CCDC190: variants seen among roughly 807,000 people sequenced by gnomAD.
CCDC190 encodes coiled-coil domain-containing protein 190.
CCDC190 carries 10 observed loss-of-function variants against 13.1 expected under a neutral mutation model. The observed-to-expected ratio is 0.77, with a 90% CI of 0.47 to 1.30. CCDC190 has a LOEUF of 1.30. CCDC190 is among the 50% of genes most tolerant of loss of function. The pLI is 0.00. For synonymous variants in CCDC190, 136 were observed against 127.2 expected, an observed-to-expected ratio of 1.07 and a Z score of -0.47; for missense variants, 375 against 354.3, an observed-to-expected ratio of 1.06 and a Z score of -0.47.
In CCDC190 at chr1:162,861,015, T is replaced by G; in HGVS notation, c.-20A>C. ...AGGGCCAGTAGAACTTACCTCCAAA[T>G]CCAGAGTTTTCACCATGAGACTATG... On this transcript the variant is annotated 5_prime_UTR_variant, in exon 1 of 4. Transcript: ENST00000367912. 2.0e-6 allele frequency: 2 copies of G among 984,980 alleles called. No individual in the cohort carries two copies. The highest frequency in any genetic ancestry group is 2.4e-6 in the Non-Finnish European group (2 of 829,508). 61.0% of individuals were successfully genotyped at this position (984,980 alleles called of 1,614,324 possible).
At chr1:162,856,528 A>G (rs1340280137) in intron 2 of CCDC190, among the ~76,000 whole-genome samples, 1 of 152,200 alleles carries the variant, frequency 6.6e-6, no homozygotes, top group East Asian at 1.9e-4. Context: ...AGCCGTGACT[A>G]AGTGGACTTT....
rs1650092469 is a variant in CCDC190 at position 162,851,118 on chromosome 1, A to C, written c.*3647T>G. Among the ~76,000 whole-genome samples, 1 of 151,998 alleles carries C rather than the reference A, an allele frequency of 6.6e-6. No homozygotes were observed. The highest frequency in any genetic ancestry group is 1.5e-5 in the Non-Finnish European group (1 of 68,004). On this transcript the variant is annotated 3_prime_UTR_variant, in exon 4 of 4. Coordinates refer to ENST00000367912, the MANE Select transcript of CCDC190 (RefSeq NM_001394065.1). ...ATCCAGTTTAAAGTCTTTCTTCTCC[A>C]CCCGTGGAACTTCTGTTCTACTGCA...
chr1:162,863,562 C>T (rs975965102), upstream of CCDC190, among the ~76,000 whole-genome samples: 1 of 151,986 alleles, frequency 6.6e-6, no homozygotes, highest in African/African-American at 2.4e-5. Context: ...TGGAAACAAA[C>T]CAGGGAATCA....
chr1:162,859,736 A>C, intron 1 of CCDC190, 78 bp from the exon 2 acceptor site: 3 of 1,204,634 alleles, frequency 2.5e-6, no homozygotes. Flanking sequence ...ATCAGAGATC[A>C]GTGGTAGAAC....
upstream of CCDC190, among the ~76,000 whole-genome samples, chr1:162,863,774 A>G (rs1016785505): frequency 6.6e-6 from 1 of 152,196 alleles, no homozygotes; most frequent in African/African-American, 2.4e-5. Context: ...TAATCCCAGC[A>G]CTTTGGGAGG....
Position 162,854,577 on chromosome 1 carries a change from C to A in CCDC190, c.*188G>T, listed in dbSNP as rs1032058603. ...TTTTCAGAAGATTCATTCTTCCTCTCCTTTTTCATATATTAGCATTGTTCA... is the reference window on the plus strand; with the variant it reads ...TTTTCAGAAGATTCATTCTTCCTCTACTTTTTCATATATTAGCATTGTTCA... On this transcript the variant is annotated 3_prime_UTR_variant, in exon 4 of 4. Transcript: ENST00000367912. The A allele has an allele frequency of 1.1e-5, 15 of 1,368,036 alleles. No homozygotes were observed. Among genetic ancestry groups the A allele is most frequent in the African/African-American group, 1.5e-5 (1 of 68,856 alleles). 84.7% of individuals were successfully genotyped at this position (1,368,036 alleles called of 1,614,324 possible). A position where few individuals can be genotyped will look rare whatever the true frequency, so the allele number is the denominator to read the frequency against.
At position 162,854,881 on chromosome 1, in the gene CCDC190, G is replaced by T. The variant is rs1189844892; in HGVS notation, c.790C>A (p.Pro264Thr). Reference protein sequence around the residue: ...NAHYLRHRVPPESERLLSIGE... With the variant: ...NAHYLRHRVPTESERLLSIGE... ...ATGCTAAGCAACCTCTCAGACTCAG[G>T]GGGGACCCTGTGCCGGAGATAATGG... Residue 264 changes from proline (P) to threonine (T), a missense_variant, in exon 4 of 4, where the codon CCT becomes ACT. Transcript: ENST00000367912. 1 of 1,614,018 alleles carries T rather than the reference G, an allele frequency of 6.2e-7. No individual in the cohort carries two copies. The highest frequency in any genetic ancestry group is 2.2e-5 in the East Asian group (1 of 44,886).
chr1:162,852,886 T>C lies in CCDC190; in HGVS notation c.*1879A>G. The C allele has an allele frequency of 1.9e-6, 1 of 536,922 alleles. No homozygotes were observed. The highest frequency in any genetic ancestry group is 3.3e-6 in the Non-Finnish European group (1 of 299,080). 33.3% of individuals were successfully genotyped at this position (536,922 alleles called of 1,614,324 possible). Reference sequence around the variant, plus strand: ...CCTTGAGGGAGAATTGTGATGACGATAGGCAAGGCTTGCGTAGAAGACAAG... The same window carrying C: ...CCTTGAGGGAGAATTGTGATGACGACAGGCAAGGCTTGCGTAGAAGACAAG... On this transcript the variant is annotated 3_prime_UTR_variant, in exon 4 of 4. Coordinates refer to ENST00000367912, the MANE Select transcript of CCDC190 (RefSeq NM_001394065.1).
In CCDC190 at chr1:162,854,759, A is replaced by G. The variant is rs1325483133; in HGVS notation, c.*6T>C. On this transcript the variant is annotated 3_prime_UTR_variant, in exon 4 of 4. Transcript: ENST00000367912. ...GCATATGTTATTGTCAGGCTATGTT[A>G]AACGGTTAGAGAGGAAGAAACTTAG... 1 of 1,596,872 alleles carries G rather than the reference A, an allele frequency of 6.3e-7. No individual in the cohort carries two copies. The highest frequency in any genetic ancestry group is 1.3e-5 in the African/African-American group (1 of 74,382).
Position 162,854,295 on chromosome 1 carries a change from G to C in CCDC190, c.*470C>G, listed in dbSNP as rs1650207713. On this transcript the variant is annotated 3_prime_UTR_variant, in exon 4 of 4. Transcript: ENST00000367912. ...AAGGGCTTCCAAAGAGAGCACGTGGGTGTGGTTAAAGAGCAGATTTTCTTT... is the reference window on the plus strand; with the variant it reads ...AAGGGCTTCCAAAGAGAGCACGTGGCTGTGGTTAAAGAGCAGATTTTCTTT... The C allele has an allele frequency of 1.0e-6, 1 of 986,370 alleles. No individual in the cohort carries two copies. The highest frequency in any genetic ancestry group is 1.7e-5 in the African/African-American group (1 of 57,358). The allele number at this position is 986,370 out of a possible 1,614,324, so 61.1% of individuals were successfully genotyped here.
upstream of CCDC190, among the ~76,000 whole-genome samples, chr1:162,865,951 AC>A (rs1240407853): frequency 6.6e-6 from 1 of 152,220 alleles, no homozygotes; most frequent in Non-Finnish European, 1.5e-5. Flanking sequence ...GTCTTTATTC[AC>A]AGATGACATA....
At position 162,851,949 on chromosome 1, in the gene CCDC190, C is replaced by T. The variant is rs1428455043; in HGVS notation, c.*2816G>A. 6.6e-6 allele frequency: 1 copy of T among 152,150 alleles called. No homozygotes were observed. Among genetic ancestry groups the T allele is most frequent in the East Asian group, 1.9e-4 (1 of 5,190 alleles). The allele number at this position is 152,150 out of a possible 1,614,324, so 9.4% of individuals were successfully genotyped here. A position where few individuals can be genotyped will look rare whatever the true frequency, so the allele number is the denominator to read the frequency against. On this transcript the variant is annotated 3_prime_UTR_variant, in exon 4 of 4. Transcript: ENST00000367912. ...GAGAGGAGAGTATGGGAAAAGAGTACCCTGGTCTTTGTTCCTCATCCACAT... is the reference window on the plus strand; with the variant it reads ...GAGAGGAGAGTATGGGAAAAGAGTATCCTGGTCTTTGTTCCTCATCCACAT...
Position 162,855,338 on chromosome 1 carries a change from G to C in CCDC190, c.333C>G (p.Ala111=). 1.2e-6 allele frequency: 2 copies of C among 1,604,818 alleles called. No individual in the cohort carries two copies. Among genetic ancestry groups the C allele is most frequent in the South Asian group, 2.2e-5 (2 of 90,520 alleles). ...KKMRALATRM[A]QDTCKSKSQV... ...GGGACTTGCTTTTGCATGTGTCTTG[G>C]GCCATACGGGTTGCCAATGCTCTGA... Residue 111 remains alanine, a synonymous_variant, in exon 4 of 4, where the codon GCC becomes GCG. Transcript: ENST00000367912.
intron 1 of CCDC190, 27 bp from the exon 2 acceptor site, chr1:162,859,685 A>C: frequency 6.4e-7 from 1 of 1,565,832 alleles, no homozygotes; most frequent in Non-Finnish European, 8.7e-7. Context: ...ATCACAAATA[A>C]CCTGATAAAT....
At chr1:162,859,121 A>T (rs1288421510) in intron 2 of CCDC190, among the ~76,000 whole-genome samples, 1 of 152,228 alleles carries the variant, frequency 6.6e-6, no homozygotes, top group East Asian at 1.9e-4. Context: ...AAGGGGTGAA[A>T]CCAAATCAGC....
At chr1:162,866,559 A>C (rs1032069785) in intron 1 of CCDC190, among the ~76,000 whole-genome samples, 11 of 152,220 alleles carry the variant, frequency 7.2e-5, no homozygotes, top group Admixed American at 5.9e-4. Context: ...TCAAAACCCT[A>C]GCAGACTTTT....
intron 1 of CCDC190, among the ~76,000 whole-genome samples, chr1:162,860,393 C>T (rs987464055): frequency 6.6e-6 from 1 of 152,168 alleles, no homozygotes; most frequent in African/African-American, 2.4e-5. Context: ...GCTCTCCTCC[C>T]TCCATGTACC....
chr1:162,860,660 C>A (rs940167805), intron 1 of CCDC190, among the ~76,000 whole-genome samples: 1 of 151,934 alleles, frequency 6.6e-6, no homozygotes, highest in African/African-American at 2.4e-5. Flanking sequence ...TGGGTTCAAC[C>A]GATTCTCCTG....
intron 1 of CCDC190, among the ~76,000 whole-genome samples, chr1:162,868,237 G>A (rs1650773739): frequency 6.6e-6 from 1 of 152,118 alleles, no homozygotes; most frequent in Admixed American, 6.5e-5. Flanking sequence ...GGAATGAAGG[G>A]CAAAGAAAGT....
Sources: gnomAD v4.1 joint callset for allele counts (sites outside exome capture counted in the v4.1 genomes callset) on GRCh38, gnomAD v4.1.1 for gene constraint, MANE v1.5 for transcripts, NCBI Gene and HGNC (gene_info 2026-07-23, HGNC 2026-07-21) for gene names.